The following ITGA1 variants were observed in gnomAD, a reference collection of about 807,000 sequenced individuals.
ITGA1 encodes the protein integrin alpha-1.
A neutral mutation model predicts 145.9 loss-of-function variants in ITGA1; 85 were observed. That is an observed-to-expected ratio of 0.58 (90% CI 0.49 to 0.70). The LOEUF is 0.70. Among genes scored for constraint, ITGA1 ranks in the 30% least tolerant of loss-of-function variants. ITGA1 has a pLI of 0.00. For synonymous variants in ITGA1, 520 were observed against 495.3 expected (o/e 1.05, Z -0.66); for missense variants, 1,351 against 1,418.7 (o/e 0.95, Z 0.77).
chr5:52,924,191 C>T (rs771421620), intron 18 of ITGA1, among the ~76,000 whole-genome samples: 7 of 141,740 alleles, frequency 4.9e-5, no homozygotes, highest in Admixed American at 2.2e-4. Context: ...CTTATACATA[C>T]CAGGCATTGG....
chr5:52,942,517 G>A (rs1751068768), intron 26 of ITGA1, among the ~76,000 whole-genome samples: 1 of 149,002 alleles, frequency 6.7e-6, no homozygotes, highest in African/African-American at 2.5e-5. Context: ...GTTTTTTGTA[G>A]CTTCTGTAAA....
At position 52,955,299 on chromosome 5, in the gene ITGA1, A is replaced by T. The variant is rs1416806004; in HGVS notation, c.*2848A>T. Reference sequence around the variant, plus strand: ...ATGTATCTGCCACCTCTTACCAACCAGTGTGAGCTGACTTCAGCACACCAC... The same window carrying T: ...ATGTATCTGCCACCTCTTACCAACCTGTGTGAGCTGACTTCAGCACACCAC... On this transcript the variant is annotated 3_prime_UTR_variant, in exon 29 of 29. Transcript: ENST00000282588. 2.0e-5 allele frequency: 3 copies of T among 152,222 alleles called. No individual in the cohort carries two copies. The highest frequency in any genetic ancestry group is 7.2e-5 in the African/African-American group (3 of 41,442). 9.4% of individuals were successfully genotyped at this position (152,222 alleles called of 1,614,324 possible). A position where few individuals can be genotyped will look rare whatever the true frequency, so the allele number is the denominator to read the frequency against.
Position 52,937,383 on chromosome 5 carries a change from T to A in ITGA1, c.2965-18T>A. The A allele has an allele frequency of 6.7e-7, 1 of 1,488,200 alleles. No individual in the cohort carries two copies. Among genetic ancestry groups the A allele is most frequent in the Admixed American group, 1.7e-5 (1 of 59,738 alleles). 92.2% of individuals were successfully genotyped at this position (1,488,200 alleles called of 1,614,324 possible). On this transcript the variant is annotated intron_variant, in intron 23 of 28. Transcript: ENST00000282588. Reference sequence around the variant, plus strand: ...TTAAAAGAGGAAGAAAGATTACATTTCCATTTTTTTCTTGTAGATTAGAAA... The same window carrying A: ...TTAAAAGAGGAAGAAAGATTACATTACCATTTTTTTCTTGTAGATTAGAAA...
At chr5:52,867,446 T>C (rs1561231658) in intron 6 of ITGA1, among the ~76,000 whole-genome samples, 2 of 152,154 alleles carry the variant, frequency 1.3e-5, no homozygotes, top group Non-Finnish European at 2.9e-5. Context: ...AAGTGACTTA[T>C]TTGCAATTGA....
At chr5:52,802,012 CAATA>C (rs1282926902) in intron 1 of ITGA1, 12 of 550,490 alleles carry the variant, frequency 2.2e-5, no homozygotes, top group Non-Finnish European at 3.8e-5. Flanking sequence ...TGTATTTAAA[CAATA>C]AACTAAAAGG....
intron 2 of ITGA1, among the ~76,000 whole-genome samples, chr5:52,851,730 A>G (rs769982667): frequency 9.9e-5 from 15 of 152,212 alleles, no homozygotes; most frequent in African/African-American, 1.4e-4. Context: ...ATCGGGGACT[A>G]TGCCTTATAT....
chr5:52,849,270 C>G (rs1749388469), intron 1 of ITGA1, 95 bp from the exon 2 acceptor site: 3 of 1,052,936 alleles, frequency 2.8e-6, no homozygotes, highest in Non-Finnish European at 4.0e-6. Context: ...ATAGAAACAG[C>G]TTTCGATGGT....
chr5:52,870,282 T>G (rs1488837818), intron 6 of ITGA1, among the ~76,000 whole-genome samples: 1 of 152,240 alleles, frequency 6.6e-6, no homozygotes, highest in African/African-American at 2.4e-5. Context: ...TGGAATTTAT[T>G]CTCCCCTTTA....
At chr5:52,940,110 C>T (rs1255136640) in intron 26 of ITGA1, among the ~76,000 whole-genome samples, 166 bp downstream of exon 26, 3 of 152,290 alleles carry the variant, frequency 2.0e-5, no homozygotes, top group South Asian at 4.1e-4. Flanking sequence ...ATGTGTGTCT[C>T]ATCTTCCTTG....
chr5:52,906,034 T>A lies in ITGA1; in HGVS notation c.1455+126T>A, dbSNP rs368798568. Reference sequence around the variant, plus strand: ...TCAGTAACAACTGGGAACAGGGCCCTGTGTTAGGTTCTTTGGAAGGATGTA... The same window carrying A: ...TCAGTAACAACTGGGAACAGGGCCCAGTGTTAGGTTCTTTGGAAGGATGTA... On this transcript the variant is annotated intron_variant, in intron 12 of 28. Coordinates refer to ENST00000282588, the MANE Select transcript of ITGA1 (RefSeq NM_181501.2). The A allele has an allele frequency of 1.3e-5, 9 of 700,410 alleles. No homozygotes were observed. In the African/African-American group the frequency reaches 1.4e-4, roughly 11 times the overall value. 43.4% of individuals were successfully genotyped at this position (700,410 alleles called of 1,614,324 possible). A position where few individuals can be genotyped will look rare whatever the true frequency, so the allele number is the denominator to read the frequency against.
intron 3 of ITGA1, among the ~76,000 whole-genome samples, chr5:52,862,740 C>T (rs552957934): frequency 3.9e-5 from 6 of 151,946 alleles, no homozygotes; most frequent in South Asian, 2.1e-4. Context: ...GGAATGTGAC[C>T]GGAAAATTCC....
chr5:52,952,462 G>A lies in ITGA1; in HGVS notation c.*11G>A, dbSNP rs1334311138. 13 of 1,179,532 alleles carry A rather than the reference G, an allele frequency of 1.1e-5. No individual in the cohort carries two copies. Among genetic ancestry groups the A allele is most frequent in the Admixed American group, 2.3e-5 (1 of 42,764 alleles). 73.1% of individuals were successfully genotyped at this position (1,179,532 alleles called of 1,614,324 possible). Reference sequence around the variant, plus strand: ...AAAATGGAGAAATGAAATATTTTATGAAAGAAAATAATAACAATTATTCAA... The same window carrying A: ...AAAATGGAGAAATGAAATATTTTATAAAAGAAAATAATAACAATTATTCAA... On this transcript the variant is annotated 3_prime_UTR_variant, in exon 29 of 29. Coordinates refer to ENST00000282588, the MANE Select transcript of ITGA1 (RefSeq NM_181501.2).
chr5:52,920,573 C>T, intron 17 of ITGA1, 105 bp downstream of exon 17: 1 of 905,868 alleles, frequency 1.1e-6, no homozygotes. Flanking sequence ...TCAAAATGCA[C>T]TTATGATGTC....
At chr5:52,939,286 A>AGT (rs1751017605) in intron 24 of ITGA1, among the ~76,000 whole-genome samples, 4 of 74,014 alleles carry the variant, frequency 5.4e-5, no homozygotes, top group Non-Finnish European at 1.3e-4. Context: ...TGATTAAGGT[A>AGT]ATAATGAATG....
At chr5:52,788,762 T>C (rs954924470) in intron 1 of ITGA1, among the ~76,000 whole-genome samples, 5 of 152,316 alleles carry the variant, frequency 3.3e-5, no homozygotes, top group Admixed American at 1.3e-4. Context: ...CCCTTTTTTA[T>C]GGCATGGGAT....
chr5:52,856,027 G>C (rs1244201014), intron 2 of ITGA1, among the ~76,000 whole-genome samples: 1 of 152,146 alleles, frequency 6.6e-6, no homozygotes, highest in African/African-American at 2.4e-5. Flanking sequence ...GGCCGTGGTT[G>C]AGATTGCTGT....
intron 17 of ITGA1, 36 bp from the exon 18 acceptor site, chr5:52,922,741 T>C (rs1750748790): frequency 7.6e-7 from 1 of 1,307,364 alleles, no homozygotes; most frequent in Non-Finnish European, 1.1e-6. Context: ...CCGGTAAATA[T>C]GATACCAGTG....
intron 8 of ITGA1, among the ~76,000 whole-genome samples, chr5:52,890,231 A>C (rs1001566076): frequency 6.6e-6 from 1 of 152,198 alleles, no homozygotes; most frequent in African/African-American, 2.4e-5. Flanking sequence ...ACTTTTCAAA[A>C]TAATATTTAG....
chr5:52,886,603 C>A (rs1432932119), intron 7 of ITGA1, among the ~76,000 whole-genome samples: 1 of 152,098 alleles, frequency 6.6e-6, no homozygotes, highest in Non-Finnish European at 1.5e-5. Context: ...AAAATATACT[C>A]ATCTCTTCCA....
Sources: gnomAD v4.1 joint callset for allele counts (sites outside exome capture counted in the v4.1 genomes callset) on GRCh38, gnomAD v4.1.1 for gene constraint, MANE v1.5 for transcripts, NCBI Gene and HGNC (gene_info 2026-07-23, HGNC 2026-07-21) for gene names.